The following RFX3 variants were observed in gnomAD, a reference collection of about 807,000 sequenced individuals.
RFX3 encodes regulatory factor X3.
RFX3 carries 14 observed loss-of-function variants against 98.6 expected under a neutral mutation model. That is an observed-to-expected ratio of 0.14 (90% CI 0.09 to 0.22). The LOEUF (loss-of-function observed/expected upper bound fraction) is 0.22, where lower values mean the gene tolerates loss of function less well. Among genes scored for constraint, RFX3 ranks in the 10% least tolerant of loss-of-function variants. The pLI is 1.00. For missense variants in RFX3, 639 were observed against 926.9 expected, an observed-to-expected ratio of 0.69 and a Z score of 4.03; for synonymous variants, 383 against 328.4, an observed-to-expected ratio of 1.17 and a Z score of -1.80.
intron 1 of RFX3, among the ~76,000 whole-genome samples, chr9:3,506,567 T>C (rs1321427490): frequency 6.6e-6 from 1 of 151,874 alleles, no homozygotes; most frequent in African/African-American, 2.4e-5. Context: ...AAAATAGAAA[T>C]AAGGTATAGA....
intron 1 of RFX3, among the ~76,000 whole-genome samples, chr9:3,494,666 ATGT>A (rs1294816931): frequency 1.3e-5 from 2 of 152,338 alleles, no homozygotes; most frequent in Non-Finnish European, 2.9e-5. Context: ...TAATCATTCT[ATGT>A]TAATGTTTTT....
intron 2 of RFX3, among the ~76,000 whole-genome samples, chr9:3,395,223 G>C (rs956386286): frequency 2.6e-5 from 4 of 152,202 alleles, no homozygotes; most frequent in Admixed American, 2.6e-4. Flanking sequence ...TGCTTTAGGA[G>C]TCAAGACAGG....
chr9:3,251,676 A>G (rs1176909119), intron 14 of RFX3, among the ~76,000 whole-genome samples: 3 of 152,074 alleles, frequency 2.0e-5, no homozygotes, highest in African/African-American at 7.2e-5. Flanking sequence ...TATTAACTGC[A>G]TAATAAAAAT....
chr9:3,367,322 C>T (rs955543474), intron 2 of RFX3, among the ~76,000 whole-genome samples: 6 of 152,118 alleles, frequency 3.9e-5, no homozygotes, highest in Admixed American at 6.6e-5. Context: ...CAGATCCCAT[C>T]AGACAGCCAA....
intron 6 of RFX3, among the ~76,000 whole-genome samples, chr9:3,292,667 C>T (rs967380589): frequency 1.3e-5 from 2 of 152,164 alleles, no homozygotes; most frequent in African/African-American, 4.8e-5. Flanking sequence ...TCAAGTGATA[C>T]ATAGTTTTCC....
intron 1 of RFX3, among the ~76,000 whole-genome samples, chr9:3,466,813 T>C (rs1848262366): frequency 6.6e-6 from 1 of 151,904 alleles, no homozygotes; most frequent in Non-Finnish European, 1.5e-5. Flanking sequence ...TCAAACATTT[T>C]ATAAGTTTCT....
chr9:3,339,936 C>G (rs975506380), intron 3 of RFX3, among the ~76,000 whole-genome samples: 2 of 151,974 alleles, frequency 1.3e-5, no homozygotes, highest in African/African-American at 2.4e-5. Flanking sequence ...AAAGAGCCCA[C>G]ATTGGCAAGT....
intron 1 of RFX3, among the ~76,000 whole-genome samples, chr9:3,482,302 C>G (rs988615750): frequency 6.6e-6 from 1 of 151,768 alleles, no homozygotes; most frequent in African/African-American, 2.4e-5. Context: ...CATACACACA[C>G]AAGCAGAAGC....
chr9:3,404,985 T>C (rs890870241), intron 1 of RFX3, among the ~76,000 whole-genome samples: 1 of 152,192 alleles, frequency 6.6e-6, no homozygotes, highest in African/African-American at 2.4e-5. Flanking sequence ...TTTTCCAAAG[T>C]CACTAAGGAA....
At chr9:3,431,028 G>A (rs936350049) in intron 1 of RFX3, among the ~76,000 whole-genome samples, 10 of 152,112 alleles carry the variant, frequency 6.6e-5, no homozygotes, top group Admixed American at 1.3e-4. Context: ...TAAAGATGCC[G>A]TATTAAATAA....
At chr9:3,307,478 T>A (rs1320707594) in intron 4 of RFX3, among the ~76,000 whole-genome samples, 1 of 152,058 alleles carries the variant, frequency 6.6e-6, no homozygotes, top group Non-Finnish European at 1.5e-5. Flanking sequence ...AGTCCAGGAT[T>A]GAGGTGAGAA....
chr9:3,454,881 A>C (rs926609746), intron 1 of RFX3, among the ~76,000 whole-genome samples: 1 of 152,214 alleles, frequency 6.6e-6, no homozygotes, highest in African/African-American at 2.4e-5. Context: ...CGTGATTTAC[A>C]CAAGGCCACT....
Position 3,256,974 on chromosome 9 carries a change from A to G in RFX3, c.1814+17T>C. ...CAGAATATGAAGAAGAAAGCCTAGG[A>G]AAAACCTAGATGATACCTGTAGAAA... is the stretch of plus-strand genomic sequence containing the variant. On this transcript the variant is annotated intron_variant, in intron 14 of 16. Transcript: ENST00000617270. The G allele has an allele frequency of 1.2e-6, 2 of 1,610,068 alleles. No individual in the cohort carries two copies. Among genetic ancestry groups the G allele is most frequent in the African/African-American group, 1.3e-5 (1 of 74,930 alleles).
intron 2 of RFX3, among the ~76,000 whole-genome samples, chr9:3,363,129 T>C (rs1443378525): frequency 6.6e-6 from 1 of 152,138 alleles, no homozygotes; most frequent in African/African-American, 2.4e-5. Context: ...TAATAATTTA[T>C]TGGGAAAAGC....
At chr9:3,424,270 G>C (rs535012507) in intron 1 of RFX3, among the ~76,000 whole-genome samples, 7 of 149,636 alleles carry the variant, frequency 4.7e-5, no homozygotes, top group Non-Finnish European at 7.4e-5. Flanking sequence ...AGAGATGTCT[G>C]TGAAAAATGT....
intron 1 of RFX3, among the ~76,000 whole-genome samples, chr9:3,419,399 A>G (rs979926313): frequency 6.6e-6 from 1 of 152,222 alleles, no homozygotes; most frequent in Non-Finnish European, 1.5e-5. Flanking sequence ...TAAAACAAGT[A>G]TATTTTTTAC....
chr9:3,296,320 G>C (rs552925810), intron 5 of RFX3, among the ~76,000 whole-genome samples: 1 of 151,952 alleles, frequency 6.6e-6, no homozygotes, highest in African/African-American at 2.4e-5. Context: ...AAACTACTTA[G>C]AAGCCTAAAT....
chr9:3,318,731 T>G (rs1453012673), intron 4 of RFX3, among the ~76,000 whole-genome samples: 1 of 152,194 alleles, frequency 6.6e-6, no homozygotes, highest in Non-Finnish European at 1.5e-5. Flanking sequence ...TAAGTTATTA[T>G]GCTTTCAACC....
At chr9:3,424,815 G>A (rs879885609) in intron 1 of RFX3, among the ~76,000 whole-genome samples, 5 of 152,020 alleles carry the variant, frequency 3.3e-5, no homozygotes, top group Non-Finnish European at 7.4e-5. Flanking sequence ...AATACATATA[G>A]ATCGAATTCA....
Sources: allele counts gnomAD v4.1 joint callset (sites outside exome capture counted in the v4.1 genomes callset), GRCh38; gene constraint gnomAD v4.1.1; transcripts MANE v1.5; gene names NCBI Gene and HGNC (gene_info 2026-07-23, HGNC 2026-07-21).